Variants in TRAPPC8 observed in about 807,000 individuals in gnomAD.
TRAPPC8 encodes the protein trafficking protein particle complex subunit 8, also known as general sporulation gene 1 homolog.
TRAPPC8 carries 54 observed loss-of-function variants against 174.3 expected under a neutral mutation model. The observed-to-expected ratio is 0.31, with a 90% confidence interval of 0.25 to 0.39. The LOEUF (loss-of-function observed/expected upper bound fraction) is 0.39. TRAPPC8 is among the 10% of genes least tolerant of loss of function. The probability of loss-of-function intolerance (pLI) is 1.00; values close to 1 mark genes in which losing one functional copy is unlikely to be tolerated. For missense variants in TRAPPC8, 1,531 were observed against 1,699.1 expected, an observed-to-expected ratio of 0.90 and a Z score of 1.74; for synonymous variants, 630 against 579.9, an observed-to-expected ratio of 1.09 and a Z score of -1.24.
In TRAPPC8 at chr18:31,889,239, A is replaced by G. The variant is rs138172631; in HGVS notation, c.1728+1496T>C. ...CAGTAAGAGGTGATTACGAAGCCAG[A>G]TAGCAAATGTATCTCAACCTACCAC... is the stretch of plus-strand genomic sequence containing the variant. On this transcript the variant is annotated intron_variant, in intron 12 of 28. Coordinates refer to ENST00000283351, the MANE Select transcript of TRAPPC8 (RefSeq NM_014939.5). Among the ~76,000 whole-genome samples, 402 of 152,336 alleles carry G rather than the reference A, an allele frequency of 2.6e-3. 2 individuals carry two copies. The highest frequency in any genetic ancestry group is 8.8e-3 in the African/African-American group (366 of 41,580).
chr18:31,866,782 G>T, intron 18 of TRAPPC8, 67 bp downstream of exon 18: 3 of 1,526,754 alleles, frequency 2.0e-6, no homozygotes, highest in Non-Finnish European at 1.8e-6. Context: ...CATCATTTTT[G>T]TCCATTTTAT....
At chr18:31,850,378 GT>G (rs779678189) in intron 24 of TRAPPC8, among the ~76,000 whole-genome samples, 3 of 152,108 alleles carry the variant, frequency 2.0e-5, no homozygotes, top group Non-Finnish European at 4.4e-5. Context: ...AAAATAAAAT[GT>G]TGAAAACCTG....
chr18:31,890,914 G>C, intron 11 of TRAPPC8, 48 bp from the exon 12 acceptor site: 3 of 1,537,934 alleles, frequency 2.0e-6, no homozygotes, highest in Non-Finnish European at 2.6e-6. Context: ...CAAGTTAAAA[G>C]TAAATAGATA....
chr18:31,857,911 A>G lies in TRAPPC8; in HGVS notation c.2817T>C (p.Asn939=), dbSNP rs756868917. The part of the protein sequence containing the change: ...EIRKAYVEFV[N]VSKCPLTGLK... ...ATCCAGTAAGTGGACATTTGCTGAC[A>G]TTGACAAATTCTACATATGCTTTTC... Residue 939 remains asparagine (N), a synonymous_variant, in exon 20 of 29, where the codon AAT becomes AAC. Coordinates refer to ENST00000283351, the MANE Select transcript of TRAPPC8 (RefSeq NM_014939.5). 6.2e-7 allele frequency: 1 copy of G among 1,614,224 alleles called. No homozygotes were observed. Among genetic ancestry groups the G allele is most frequent in the Admixed American group, 1.7e-5 (1 of 60,026 alleles).
At chr18:31,908,641 T>C in intron 7 of TRAPPC8, 113 bp downstream of exon 7, 1 of 1,169,276 alleles carries the variant, frequency 8.6e-7, no homozygotes, top group Non-Finnish European at 1.2e-6. Flanking sequence ...GAAGTCTTAA[T>C]ATTGGCCTAT....
intron 4 of TRAPPC8, among the ~76,000 whole-genome samples, chr18:31,914,524 A>C (rs931762146): frequency 6.6e-6 from 1 of 152,214 alleles, no homozygotes; most frequent in Non-Finnish European, 1.5e-5. Context: ...TTTTTCTATT[A>C]ATATAGTAGT....
intron 12 of TRAPPC8, among the ~76,000 whole-genome samples, chr18:31,889,154 T>C (rs1287916441): frequency 1.3e-5 from 2 of 152,062 alleles, no homozygotes; most frequent in Non-Finnish European, 1.5e-5. Flanking sequence ...GTGTACAGAG[T>C]GGTCATGAAA....
intron 1 of TRAPPC8, among the ~76,000 whole-genome samples, chr18:31,933,312 A>G (rs1256356777): frequency 1.3e-5 from 2 of 151,984 alleles, no homozygotes; most frequent in African/African-American, 2.4e-5. Context: ...AAAAAAAAAA[A>G]AAAAAAAAGG....
chr18:31,858,072 T>A (rs2034127649), intron 19 of TRAPPC8, 90 bp from the exon 20 acceptor site: 3 of 1,041,278 alleles, frequency 2.9e-6, no homozygotes, highest in Non-Finnish European at 2.8e-6. Context: ...TTTTTTTTTT[T>A]ACCAAAGGTT....
chr18:31,911,631 C>T (rs1598726757), intron 5 of TRAPPC8, among the ~76,000 whole-genome samples: 2 of 150,636 alleles, frequency 1.3e-5, no homozygotes, highest in Non-Finnish European at 3.0e-5. Flanking sequence ...CCCAGCTACT[C>T]GGGAAGCTGA....
intron 21 of TRAPPC8, among the ~76,000 whole-genome samples, chr18:31,854,392 T>C (rs1413140493): frequency 6.6e-6 from 1 of 152,144 alleles, no homozygotes; most frequent in Non-Finnish European, 1.5e-5. Flanking sequence ...TGAAATTATT[T>C]AAGTAGCATG....
At chr18:31,909,575 T>C in intron 6 of TRAPPC8, 92 bp downstream of exon 6, 3 of 1,477,206 alleles carry the variant, frequency 2.0e-6, no homozygotes, top group Non-Finnish European at 2.7e-6. Flanking sequence ...TATGAAAAAT[T>C]TCCCCCATCT....
intron 19 of TRAPPC8, among the ~76,000 whole-genome samples, chr18:31,861,963 A>AG (rs2034351835): frequency 6.9e-6 from 1 of 145,730 alleles, no homozygotes; most frequent in Non-Finnish European, 1.5e-5. Flanking sequence ...GGGGGAGGAG[A>AG]GAAAAAAATC....
chr18:31,908,017 C>A (rs368358958), intron 8 of TRAPPC8, among the ~76,000 whole-genome samples: 56 of 152,240 alleles, frequency 3.7e-4, no homozygotes, highest in South Asian at 1.4e-3. Context: ...CAGGCCATTA[C>A]ATTTTAGATA....
rs114300096 is a variant in TRAPPC8, at chr18:31,903,237, G to C, written c.1390-2212C>G. On this transcript the variant is annotated intron_variant, in intron 9 of 28. Transcript: ENST00000283351. ...AGAAGGAATTTCCAAGTATTTGCTG[G>C]TGGAAAAAGAGCAGAGGCTACGACA... Among the ~76,000 whole-genome samples the C allele has an allele frequency of 4.5e-3, 686 of 152,232 alleles. 4 individuals carry two copies. The highest frequency in any genetic ancestry group is 0.016 in the African/African-American group (659 of 41,546).
At chr18:31,916,504 CTACT>C in intron 3 of TRAPPC8, 58 bp from the exon 4 acceptor site, 2 of 1,464,470 alleles carry the variant, frequency 1.4e-6, no homozygotes, top group Middle Eastern at 1.8e-4. Flanking sequence ...AAATATTGTC[CTACT>C]GAGATAAACA....
At chr18:31,937,574 C>G (rs1468979910) in intron 1 of TRAPPC8, 1 of 151,482 alleles carries the variant, frequency 6.6e-6, no homozygotes, top group Non-Finnish European at 1.5e-5. Flanking sequence ...TGGAATGATA[C>G]AGAGAAGATT....
At chr18:31,853,798 C>A (rs1270566116) in intron 22 of TRAPPC8, 51 bp downstream of exon 22, 1 of 1,376,208 alleles carries the variant, frequency 7.3e-7, no homozygotes, top group South Asian at 1.3e-5. Context: ...TTCTGGAAAA[C>A]CAAGTAATGA....
chr18:31,859,239 AAT>A (rs2034199639), intron 19 of TRAPPC8, among the ~76,000 whole-genome samples: 2 of 152,228 alleles, frequency 1.3e-5, no homozygotes, highest in South Asian at 2.1e-4. Context: ...TTCCAGTGAA[AAT>A]ATGTTTTTGA....
Sources: allele counts gnomAD v4.1 joint callset (sites outside exome capture counted in the v4.1 genomes callset), GRCh38; gene constraint gnomAD v4.1.1; transcripts MANE v1.5; gene names NCBI Gene and HGNC (gene_info 2026-07-23, HGNC 2026-07-21).